PROSER2: variants seen among roughly 807,000 people sequenced by gnomAD.
The protein encoded by PROSER2 is proline and serine-rich protein 2.
A neutral mutation model predicts 14.6 loss-of-function variants in PROSER2; 18 were observed. The ratio of observed to expected loss-of-function variants is 1.23; its 90% CI spans 0.85 to 1.83. PROSER2 has a LOEUF of 1.83. Among genes scored for constraint, PROSER2 ranks in the 40% most tolerant of loss-of-function variants. The probability of loss-of-function intolerance (pLI) is 0.00; values close to 1 mark genes in which losing one functional copy is unlikely to be tolerated. For synonymous variants in PROSER2, 367 were observed against 286.4 expected, an observed-to-expected ratio of 1.28 and a Z score of -2.84; for missense variants, 823 against 629.8, an observed-to-expected ratio of 1.31 and a Z score of -3.28.
chr10:11,869,366 AGG>A lies in PROSER2; in HGVS notation c.392-123_392-122del. ...AACAGGGAGAGAGGAGTTGACTCAC[AGG>A]CAGCACCGGCGAAGTTGGTGTCAGG... On this transcript the variant is annotated intron_variant, in intron 3 of 3. Transcript: ENST00000277570. This position sits in a 1 kb window ranked among gnomAD's most constrained non-coding sequence, Gnocchi z 4.4. 1.5e-6 allele frequency: 1 copy of A among 684,364 alleles called. No homozygotes were observed. Among genetic ancestry groups the A allele is most frequent in the Non-Finnish European group, 2.6e-6 (1 of 381,504 alleles). 42.4% of individuals were successfully genotyped at this position (684,364 alleles called of 1,614,324 possible). A position where few individuals can be genotyped will look rare whatever the true frequency, so the allele number is the denominator to read the frequency against.
At position 11,869,293 on chromosome 10, in the gene PROSER2, G is replaced by A. The variant is rs1374295117; in HGVS notation, c.392-197G>A. The A allele has an allele frequency of 1.8e-5, 11 of 604,066 alleles. No homozygotes were observed. Among genetic ancestry groups the A allele is most frequent in the Non-Finnish European group, 3.3e-5 (11 of 337,986 alleles). 37.4% of individuals were successfully genotyped at this position (604,066 alleles called of 1,614,324 possible). On this transcript the variant is annotated intron_variant, in intron 3 of 3. Coordinates refer to ENST00000277570, the MANE Select transcript of PROSER2 (RefSeq NM_153256.4). This position sits in a 1 kb window ranked among gnomAD's most constrained non-coding sequence, Gnocchi z 4.4. Reference sequence around the variant, plus strand: ...GCTATCGTGATTGTCCCTTATCAGCGTGAGGTCATGAGCATGACATACCAC... The same window carrying A: ...GCTATCGTGATTGTCCCTTATCAGCATGAGGTCATGAGCATGACATACCAC...
intron 2 of PROSER2, among the ~76,000 whole-genome samples, chr10:11,859,285 C>T (rs1327306600): frequency 1.3e-5 from 2 of 151,762 alleles, no homozygotes; most frequent in African/African-American, 4.8e-5. Flanking sequence ...CAAAAAAGGC[C>T]GAGTGTGGTG....
chr10:11,863,108 T>C (rs1190816542), intron 2 of PROSER2: 1 of 152,178 alleles, frequency 6.6e-6, no homozygotes, highest in Non-Finnish European at 1.5e-5. Context: ...TAGGTATCTC[T>C]CCTTTTCCTG....
Position 11,870,364 on chromosome 10 carries a change from G to A in PROSER2, c.1266G>A (p.Arg422=). The A allele has an allele frequency of 6.6e-7, 1 of 1,508,444 alleles. No individual in the cohort carries two copies. The highest frequency in any genetic ancestry group is 8.8e-7 in the Non-Finnish European group (1 of 1,130,404). The allele number at this position is 1,508,444 out of a possible 1,614,324, so 93.4% of individuals were successfully genotyped here. A position where few individuals can be genotyped will look rare whatever the true frequency, so the allele number is the denominator to read the frequency against. The change falls in exon 4 of 4, where the codon AGG becomes AGA. Residue 422 remains arginine (R), a synonymous_variant. Coordinates refer to ENST00000277570, the MANE Select transcript of PROSER2 (RefSeq NM_153256.4). The part of the protein sequence containing the change: ...AGRGSSEEAR[R]EALRKLGLLR... Reference sequence around the variant, plus strand: ...GCGGCTCCTCGGAGGAGGCGCGCAGGGAGGCCCTGCGGAAGCTGGGGCTGC... The same window carrying A: ...GCGGCTCCTCGGAGGAGGCGCGCAGAGAGGCCCTGCGGAAGCTGGGGCTGC...
rs2131091080 is a variant in PROSER2, at chr10:11,865,183, C to T, written c.139-1348C>T. Among the ~76,000 whole-genome samples the T allele has an allele frequency of 6.6e-6, 1 of 152,142 alleles. No homozygotes were observed. The highest frequency in any genetic ancestry group is 2.1e-4 in the South Asian group (1 of 4,814). ...CACATAGTGGCCCTCCCAGATCCAT[C>T]CTTTGATTTTCTTATCCTTTTTTTT... On this transcript the variant is annotated intron_variant, in intron 2 of 3. Transcript: ENST00000277570. This position sits in a 1 kb window ranked among gnomAD's most constrained non-coding sequence, Gnocchi z 4.2.
In PROSER2 at chr10:11,870,654, CAA is replaced by C. The variant is rs759670275; in HGVS notation, c.*249_*250del. On this transcript the variant is annotated 3_prime_UTR_variant, in exon 4 of 4. Coordinates refer to ENST00000277570, the MANE Select transcript of PROSER2 (RefSeq NM_153256.4). ...GGCCGAGGGCTTGTCTCCCTTTTCC[CAA>C]GAACTGAGAGAGAGAGAATAACCTG... 3.0e-5 allele frequency: 13 copies of C among 437,144 alleles called. 2 individuals carry two copies. The Admixed American group carries it at 4.0e-4, about 14-fold the overall frequency. The allele number at this position is 437,144 out of a possible 1,614,324, so 27.1% of individuals were successfully genotyped here.
intron 2 of PROSER2, among the ~76,000 whole-genome samples, chr10:11,854,646 C>T (rs1424145223): frequency 6.6e-6 from 1 of 151,330 alleles, no homozygotes; most frequent in Non-Finnish European, 1.5e-5. Flanking sequence ...CAACCTCTGC[C>T]TCCTGGTTTC....
At chr10:11,854,842 C>A (rs1359982341) in intron 2 of PROSER2, among the ~76,000 whole-genome samples, 1 of 152,150 alleles carries the variant, frequency 6.6e-6, no homozygotes, top group Non-Finnish European at 1.5e-5. Context: ...ACGTCATACT[C>A]CACTTTTTTG....
chr10:11,833,423 G>T (rs1404039978), intron 1 of PROSER2, among the ~76,000 whole-genome samples: 1 of 151,666 alleles, frequency 6.6e-6, no homozygotes, highest in Non-Finnish European at 1.5e-5. Flanking sequence ...GGGTGTGGTG[G>T]CTCACACCGG....
At chr10:11,843,852 A>C (rs1833885584) in intron 1 of PROSER2, among the ~76,000 whole-genome samples, 1 of 151,716 alleles carries the variant, frequency 6.6e-6, no homozygotes, top group East Asian at 1.9e-4. Context: ...ACTCCATCTC[A>C]AAAAAAAGAA....
At chr10:11,857,600 C>G (rs958132722) in intron 2 of PROSER2, among the ~76,000 whole-genome samples, 1 of 152,002 alleles carries the variant, frequency 6.6e-6, no homozygotes, top group South Asian at 2.1e-4. Context: ...CAAAAATTAG[C>G]CAGGCGTGGT....
At chr10:11,839,744 G>A (rs1833810098) in intron 1 of PROSER2, among the ~76,000 whole-genome samples, 1 of 149,852 alleles carries the variant, frequency 6.7e-6, no homozygotes, top group South Asian at 2.1e-4. Context: ...AGAATCGCTT[G>A]AACCCGGGAG....
At chr10:11,826,190 G>A (rs958298190) in intron 1 of PROSER2, among the ~76,000 whole-genome samples, 1 of 152,092 alleles carries the variant, frequency 6.6e-6, no homozygotes, top group Non-Finnish European at 1.5e-5. Flanking sequence ...CGTCCGTGTC[G>A]CGGCGTGTAT....
At chr10:11,827,465 G>A (rs186098460) in intron 1 of PROSER2, among the ~76,000 whole-genome samples, 2 of 152,074 alleles carry the variant, frequency 1.3e-5, no homozygotes, top group Non-Finnish European at 2.9e-5. Context: ...TCTGTTGTGG[G>A]TTTTTTCCTG....
intron 1 of PROSER2, among the ~76,000 whole-genome samples, chr10:11,843,026 CG>C (rs1833869661): frequency 6.9e-6 from 1 of 145,470 alleles, no homozygotes; most frequent in Non-Finnish European, 1.5e-5. Flanking sequence ...CTGCAAGTTC[CG>C]CCTCCTGGGT....
At chr10:11,833,286 C>T (rs1833713734) in intron 1 of PROSER2, among the ~76,000 whole-genome samples, 1 of 127,368 alleles carries the variant, frequency 7.9e-6, no homozygotes, top group Non-Finnish European at 1.5e-5. Flanking sequence ...TGGCTCACAC[C>T]TGTAGTCCCA....
At chr10:11,842,632 T>G (rs572078439) in intron 1 of PROSER2, among the ~76,000 whole-genome samples, 66 of 152,304 alleles carry the variant, frequency 4.3e-4, no homozygotes, top group Non-Finnish European at 2.6e-4. Flanking sequence ...TTACTCGCAT[T>G]TTTAGTCCAA....
Position 11,870,064 on chromosome 10 carries a change from G to T in PROSER2, c.966G>T (p.Leu322=). 1.6e-6 allele frequency: 2 copies of T among 1,252,674 alleles called. No homozygotes were observed. Among genetic ancestry groups the T allele is most frequent in the East Asian group, 3.4e-5 (1 of 29,752 alleles). The allele number at this position is 1,252,674 out of a possible 1,614,324, so 77.6% of individuals were successfully genotyped here. The change falls in exon 4 of 4, where the codon CTG becomes CTT. Residue 322 remains leucine (L), a synonymous_variant. Transcript: ENST00000277570. Reference sequence around the variant, plus strand: ...AGCGGGTGGCGCGTGGCCGGGGCCTGCCGGGCCCCGCTGAGAGTCTCCGGG... The same window carrying T: ...AGCGGGTGGCGCGTGGCCGGGGCCTTCCGGGCCCCGCTGAGAGTCTCCGGG... The part of the protein sequence containing the change: ...SPERVARGRG[L]PGPAESLRAG...
rs1221887848 is a variant in PROSER2, at chr10:11,871,782, C to T, written c.*1376C>T. ...TGTCTCCGCCAGCGCCGTAACAGAGCCTGTTTCTTTCCCGTTGAGTATTAC... is the reference window on the plus strand; with the variant it reads ...TGTCTCCGCCAGCGCCGTAACAGAGTCTGTTTCTTTCCCGTTGAGTATTAC... On this transcript the variant is annotated 3_prime_UTR_variant, in exon 4 of 4. Coordinates refer to ENST00000277570, the MANE Select transcript of PROSER2 (RefSeq NM_153256.4). The T allele has an allele frequency of 6.6e-6, 1 of 152,224 alleles. No individual in the cohort carries two copies. Among genetic ancestry groups the T allele is most frequent in the African/African-American group, 2.4e-5 (1 of 41,456 alleles). The allele number at this position is 152,224 out of a possible 1,614,324, so 9.4% of individuals were successfully genotyped here.
Sources: gnomAD v4.1 joint callset for allele counts (sites outside exome capture counted in the v4.1 genomes callset) on GRCh38, gnomAD v4.1.1 for gene constraint, Gnocchi (gnomAD v3.1) non-coding constraint, MANE v1.5 for transcripts, NCBI Gene and HGNC (gene_info 2026-07-23, HGNC 2026-07-21) for gene names.